The following ALPK2 variants were observed in gnomAD, a reference collection of about 807,000 sequenced individuals.
The protein encoded by ALPK2 is alpha kinase 2.
ALPK2 carries 127 observed loss-of-function variants against 163.1 expected under a neutral mutation model. The observed-to-expected ratio is 0.78, with a 90% CI of 0.67 to 0.90. The LOEUF is 0.90. ALPK2 is among the 40% of genes least tolerant of loss of function. The pLI is 0.00. For synonymous variants in ALPK2, 953 were observed against 959.1 expected, an observed-to-expected ratio of 0.99 and a Z score of 0.12; for missense variants, 2,360 against 2,589.6, an observed-to-expected ratio of 0.91 and a Z score of 1.92.
intron 10 of ALPK2, among the ~76,000 whole-genome samples, chr18:58,513,345 C>T (rs1470803690): frequency 6.6e-6 from 1 of 152,052 alleles, no homozygotes; most frequent in Non-Finnish European, 1.5e-5. Context: ...AGAGGCCCTT[C>T]TGAGGCCCCT....
rs1273290747 is a variant in ALPK2 at position 58,503,971 on chromosome 18, G to A, written c.6207C>T (p.Tyr2069=). ...QKCCTFQHWV[Y]QKTSGCLLVT... is the part of the protein sequence containing the mutation. The stretch of plus-strand genomic sequence containing the variant: ...CCAGGAGGCAGCCACTTGTTTTCTG[G>A]TACACCCAGTGCTGGAAGGTGCAAC... Residue 2069 remains tyrosine, a synonymous_variant, in exon 11 of 13, where the codon TAC becomes TAT. Transcript: ENST00000361673. The A allele has an allele frequency of 6.2e-7, 1 of 1,614,036 alleles. No homozygotes were observed. The highest frequency in any genetic ancestry group is 2.2e-5 in the East Asian group (1 of 44,872).
At chr18:58,570,496 A>G (rs572759922) in intron 4 of ALPK2, among the ~76,000 whole-genome samples, 8 of 152,386 alleles carry the variant, frequency 5.2e-5, no homozygotes, top group Admixed American at 3.9e-4. Flanking sequence ...ATCAGCTCAA[A>G]TCTGCTTAGC....
rs2051407367 is a variant in ALPK2 at position 58,497,588 on chromosome 18, T to G, written c.6296+461A>C. The stretch of plus-strand genomic sequence containing the variant: ...GAGACATTGCCTCCTATGATTATCA[T>G]CATGGGGGTCTGTGAGCTGCCTAAA... On this transcript the variant is annotated intron_variant, in intron 12 of 12. Transcript: ENST00000361673. Among the ~76,000 whole-genome samples the G allele has an allele frequency of 1.3e-5, 2 of 152,226 alleles. 1 individual carries two copies. The highest frequency in any genetic ancestry group is 4.1e-4 in the South Asian group (2 of 4,834).
At chr18:58,519,922 C>A (rs895117790) in intron 8 of ALPK2, among the ~76,000 whole-genome samples, 1 of 152,178 alleles carries the variant, frequency 6.6e-6, no homozygotes. Flanking sequence ...AGACTTCATC[C>A]TTTAGACCAA....
At chr18:58,489,853 T>G (rs779873065) in intron 12 of ALPK2, among the ~76,000 whole-genome samples, 1 of 152,018 alleles carries the variant, frequency 6.6e-6, no homozygotes, top group African/African-American at 2.4e-5. Context: ...TCCCAGCACT[T>G]TGGGAGGCCG....
chr18:58,516,291 AG>A (rs1411754073), intron 9 of ALPK2, among the ~76,000 whole-genome samples: 1 of 152,014 alleles, frequency 6.6e-6, no homozygotes, highest in Non-Finnish European at 1.5e-5. Flanking sequence ...GGAAGGAGCG[AG>A]AGAAGCTAAG....
At chr18:58,485,298 T>C (rs1602180362) in intron 12 of ALPK2, among the ~76,000 whole-genome samples, 1 of 152,196 alleles carries the variant, frequency 6.6e-6, no homozygotes, top group South Asian at 2.1e-4. Flanking sequence ...CATTGGCTGG[T>C]AGAAACTATA....
At chr18:58,570,759 T>C (rs912438036) in intron 4 of ALPK2, among the ~76,000 whole-genome samples, 12 of 152,238 alleles carry the variant, frequency 7.9e-5, no homozygotes, top group Admixed American at 2.6e-4. Flanking sequence ...GACTTGCTCA[T>C]TCTTTCCAAA....
chr18:58,568,882 G>A (rs1192905114), intron 4 of ALPK2, among the ~76,000 whole-genome samples: 1 of 152,112 alleles, frequency 6.6e-6, no homozygotes, highest in Non-Finnish European at 1.5e-5. Flanking sequence ...GGGGGGTCCT[G>A]GAACCAATCC....
intron 8 of ALPK2, among the ~76,000 whole-genome samples, chr18:58,522,880 T>C (rs2051562697): frequency 6.6e-6 from 1 of 152,168 alleles, no homozygotes; most frequent in African/African-American, 2.4e-5. Context: ...TCACTTTGAA[T>C]TGGCTCATGA....
At chr18:58,531,352 C>G (rs537040026) in intron 5 of ALPK2, among the ~76,000 whole-genome samples, 11 of 152,008 alleles carry the variant, frequency 7.2e-5, no homozygotes, top group Admixed American at 2.6e-4. Flanking sequence ...GGGTGGGTAC[C>G]AGACTGCTGG....
At position 58,536,462 on chromosome 18, in the gene ALPK2, T is replaced by C. The variant is rs1484457490; in HGVS notation, c.3725A>G (p.Glu1242Gly). 6.2e-7 allele frequency: 1 copy of C among 1,614,080 alleles called. No individual in the cohort carries two copies. The highest frequency in any genetic ancestry group is 8.5e-7 in the Non-Finnish European group (1 of 1,180,026). ...TGGCCAGATTTCAGAAGCGGAAGCC[T>C]CTAGAGTTATAATCTTCAGCTTGTT... ...AGNKLKIITLEASASEIWPPR... is the reference protein window; with the variant it reads ...AGNKLKIITLGASASEIWPPR... The change falls in exon 5 of 13, where the codon GAG becomes GGG. Residue 1242 changes from glutamate to glycine, a missense_variant. Coordinates refer to ENST00000361673, the MANE Select transcript of ALPK2 (RefSeq NM_052947.4).
intron 8 of ALPK2, among the ~76,000 whole-genome samples, chr18:58,521,125 C>T (rs544607320): frequency 6.6e-6 from 1 of 152,230 alleles, no homozygotes; most frequent in Non-Finnish European, 1.5e-5. Flanking sequence ...CTGACACCCC[C>T]AGTCACAATG....
chr18:58,540,342 C>T (rs190283760), intron 4 of ALPK2, among the ~76,000 whole-genome samples: 1 of 152,350 alleles, frequency 6.6e-6, no homozygotes, highest in East Asian at 1.9e-4. Context: ...CTAAGCACTA[C>T]TGGTTATCCT....
In ALPK2 at chr18:58,537,458, T is replaced by C; in HGVS notation, c.2729A>G (p.Asn910Ser). Residue 910 changes from asparagine (N) to serine (S), a missense_variant, in exon 5 of 13, where the codon AAT becomes AGT. Physicochemically the swap from Asn to Ser is conservative, Grantham distance 46. Coordinates refer to ENST00000361673, the MANE Select transcript of ALPK2 (RefSeq NM_052947.4). Reference protein sequence around the residue: ...HTASEGATGENLAKVENSTYP... With the variant: ...HTASEGATGESLAKVENSTYP... ...GGTGGAATTCTCCACCTTGGCTAGATTTTCTCCTGTGGCACCTTCACTAGC... is the reference window on the plus strand; with the variant it reads ...GGTGGAATTCTCCACCTTGGCTAGACTTTCTCCTGTGGCACCTTCACTAGC... 2.5e-6 allele frequency: 4 copies of C among 1,612,262 alleles called. No individual in the cohort carries two copies. The highest frequency in any genetic ancestry group is 1.1e-5 in the South Asian group (1 of 90,872).
In ALPK2 at chr18:58,552,833, G is replaced by T. The variant is rs73959699; in HGVS notation, c.1963-14609C>A. ...CGTGGTGGCTGGGGGAATGGAGAGT[G>T]GGTTGATTGTGTCCCGCAAAAATAG... On this transcript the variant is annotated intron_variant, in intron 4 of 12. Coordinates refer to ENST00000361673, the MANE Select transcript of ALPK2 (RefSeq NM_052947.4). 2.1e-3 allele frequency among the ~76,000 whole-genome samples: 322 copies of T among 152,298 alleles called. 1 individual carries two copies. Among genetic ancestry groups the T allele is most frequent in the African/African-American group, 7.3e-3 (303 of 41,558 alleles).
chr18:58,603,063 G>A (rs929177148), intron 3 of ALPK2, among the ~76,000 whole-genome samples: 8 of 152,178 alleles, frequency 5.3e-5, no homozygotes, highest in African/African-American at 1.9e-4. Context: ...TTCTTGTTTA[G>A]CATATAATCA....
chr18:58,565,774 T>TTCCTTCCTTC (rs1568087065), intron 4 of ALPK2, among the ~76,000 whole-genome samples: 11 of 113,634 alleles, frequency 9.7e-5, no homozygotes, highest in African/African-American at 3.2e-4. Flanking sequence ...TTCCTTCCTT[T>TTCCTTCCTTC]CTTTCTTTCT....
intron 3 of ALPK2, 117 bp downstream of exon 3, chr18:58,607,205 A>G: frequency 1.5e-6 from 1 of 648,044 alleles, no homozygotes; most frequent in Non-Finnish European, 2.5e-6. Context: ...AATGGCATCT[A>G]AAATTATGAC....
Sources: allele counts gnomAD v4.1 joint callset (sites outside exome capture counted in the v4.1 genomes callset), GRCh38; gene constraint gnomAD v4.1.1; transcripts MANE v1.5; gene names NCBI Gene and HGNC (gene_info 2026-07-23, HGNC 2026-07-21).